Variants in PCLO observed in about 807,000 individuals in gnomAD.
PCLO encodes the protein protein piccolo.
Under a neutral mutation model 427.5 loss-of-function variants are expected in PCLO, and 82 were observed. The ratio of observed to expected loss-of-function variants is 0.19; its 90% CI spans 0.16 to 0.23. PCLO has a LOEUF of 0.23. Ranked by LOEUF, PCLO falls within the 10% of genes least tolerant of loss-of-function variation. PCLO has a pLI of 1.00. For missense variants in PCLO, 6,239 were observed against 6,115.9 expected (o/e 1.02, Z -0.67); for synonymous variants, 2,357 against 2,155.4 (o/e 1.09, Z -2.59).
At position 82,888,714 on chromosome 7, in the gene PCLO, A is replaced by T. The variant is rs186489076; in HGVS notation, c.13529-9252T>A. 3.0e-3 allele frequency among the ~76,000 whole-genome samples: 464 copies of T among 152,218 alleles called. 2 individuals are homozygous for T. The highest frequency in any genetic ancestry group is 5.3e-3 in the Non-Finnish European group (358 of 68,002). ...ACTATTTATTTGTCTACTGGGCCCA[A>T]CATATTCTGGCCCTAGCTTTGTATA... On this transcript the variant is annotated intron_variant, in intron 9 of 24. Coordinates refer to ENST00000333891, the MANE Select transcript of PCLO (RefSeq NM_033026.6).
chr7:83,123,695 TG>T (rs1324791669), intron 3 of PCLO, among the ~76,000 whole-genome samples: 1 of 151,810 alleles, frequency 6.6e-6, no homozygotes, highest in African/African-American at 2.4e-5. Context: ...ACCCATATAA[TG>T]GGAGAAAATT....
At chr7:82,789,908 T>G in intron 22 of PCLO, among the ~76,000 whole-genome samples, 1 of 152,206 alleles carries the variant, frequency 6.6e-6, no homozygotes. Context: ...CTGTTAACAT[T>G]TCTTTTCTGT....
At chr7:83,046,730 C>T (rs542629366) in intron 3 of PCLO, among the ~76,000 whole-genome samples, 4 of 151,888 alleles carry the variant, frequency 2.6e-5, no homozygotes, top group South Asian at 4.2e-4. Context: ...TATCCAAGGC[C>T]CCAAACATAA....
At chr7:82,836,090 C>G (rs1265129185) in intron 15 of PCLO, among the ~76,000 whole-genome samples, 1 of 152,056 alleles carries the variant, frequency 6.6e-6, no homozygotes, top group East Asian at 1.9e-4. Context: ...GTTGCTTACC[C>G]CAGAATGGAC....
At chr7:82,849,099 T>G (rs2522840) in intron 10 of PCLO, among the ~76,000 whole-genome samples, 59,010 of 151,932 alleles carry the variant, frequency 0.39, 12,621 homozygotes, top group East Asian at 0.7. Context: ...TTCAGAAATT[T>G]CATTGTCACA....
At chr7:83,135,886 T>C (rs1330435055) in intron 2 of PCLO, among the ~76,000 whole-genome samples, 6 of 151,684 alleles carry the variant, frequency 4.0e-5, no homozygotes, top group African/African-American at 1.5e-4. Context: ...GATCACAAGG[T>C]CAGGAGTTTG....
At chr7:82,835,372 G>C (rs933757156) in intron 16 of PCLO, among the ~76,000 whole-genome samples, 1 of 152,146 alleles carries the variant, frequency 6.6e-6, no homozygotes, top group African/African-American at 2.4e-5. Flanking sequence ...ATGAGTTTTA[G>C]TGAATAGATT....
intron 3 of PCLO, among the ~76,000 whole-genome samples, chr7:83,048,290 C>T (rs1453488057): frequency 1.3e-5 from 2 of 151,848 alleles, no homozygotes; most frequent in Admixed American, 6.6e-5. Flanking sequence ...GAATACTATA[C>T]CTGTTCTTTA....
rs371843285 is a variant in PCLO, at chr7:82,759,687, C to G, written c.15288+952G>C. On this transcript the variant is annotated intron_variant, in intron 24 of 24. Coordinates refer to ENST00000333891, the MANE Select transcript of PCLO (RefSeq NM_033026.6). Reference sequence around the variant, plus strand: ...GCTTTGTAATATCTTTTATCTTTGTCTCTAATTCAAACCTTTAATTTCCTG... The same window carrying G: ...GCTTTGTAATATCTTTTATCTTTGTGTCTAATTCAAACCTTTAATTTCCTG... Among the ~76,000 whole-genome samples the G allele has an allele frequency of 1.6e-4, 24 of 151,984 alleles. 1 individual carries two copies. In the East Asian group the frequency reaches 4.3e-3, roughly 27 times the overall value.
intron 3 of PCLO, among the ~76,000 whole-genome samples, chr7:83,124,864 C>G (rs1791387606): frequency 6.6e-6 from 1 of 152,118 alleles, no homozygotes; most frequent in South Asian, 2.1e-4. Context: ...GCCTGATTCT[C>G]CTGCCTCAGC....
intron 3 of PCLO, among the ~76,000 whole-genome samples, chr7:83,083,016 G>A (rs1302142267): frequency 2.6e-5 from 4 of 151,514 alleles, no homozygotes; most frequent in African/African-American, 9.7e-5. Flanking sequence ...AATCAGTGGG[G>A]ACAAAAACTT....
chr7:82,847,239 C>T lies in PCLO; in HGVS notation c.13663G>A (p.Val4555Ile), dbSNP rs1792527510. 1.3e-6 allele frequency: 2 copies of T among 1,570,400 alleles called. No homozygotes were observed. The highest frequency in any genetic ancestry group is 1.7e-6 in the Non-Finnish European group (2 of 1,150,050). ...QTGKLMEGMQ[V>I]LEWNGIPLTS... The stretch of plus-strand genomic sequence containing the variant: ...AAGGGAATTCCATTCCATTCCAATA[C>T]TTGCATCCCTAGAAAGACAAATTTG... The change falls in exon 11 of 25, where the codon GTA becomes ATA. Residue 4555 changes from valine to isoleucine, a missense_variant. Transcript: ENST00000333891.
intron 16 of PCLO, among the ~76,000 whole-genome samples, chr7:82,834,313 T>C (rs1390039812): frequency 6.6e-6 from 1 of 152,192 alleles, no homozygotes; most frequent in Non-Finnish European, 1.5e-5. Context: ...CAGCCTGAGA[T>C]ACCTGGATTG....
chr7:82,938,392 T>C (rs1795004842), intron 6 of PCLO, among the ~76,000 whole-genome samples: 1 of 151,930 alleles, frequency 6.6e-6, no homozygotes, highest in African/African-American at 2.4e-5. Flanking sequence ...TTATATTTTC[T>C]TGGTTATTTT....
chr7:82,879,113 G>T (rs1356788011), intron 10 of PCLO, among the ~76,000 whole-genome samples: 1 of 152,060 alleles, frequency 6.6e-6, no homozygotes, highest in African/African-American at 2.4e-5. Context: ...TCTTAAACAA[G>T]ATACTTCTGT....
chr7:82,788,014 A>G (rs1339751346), intron 22 of PCLO, among the ~76,000 whole-genome samples: 1 of 151,862 alleles, frequency 6.6e-6, no homozygotes, highest in African/African-American at 2.4e-5. Context: ...CTTTTCCACC[A>G]ACTAAAATAG....
chr7:82,798,801 G>A (rs1468859941), intron 22 of PCLO, among the ~76,000 whole-genome samples: 1 of 152,050 alleles, frequency 6.6e-6, no homozygotes, highest in Non-Finnish European at 1.5e-5. Context: ...AAAACAACTT[G>A]TCCAAAATGT....
At chr7:83,065,261 T>C (rs1414006564) in intron 3 of PCLO, among the ~76,000 whole-genome samples, 1 of 151,994 alleles carries the variant, frequency 6.6e-6, no homozygotes, top group Non-Finnish European at 1.5e-5. Context: ...GCTTAATTTC[T>C]ATAAGGCTTT....
rs1791666528 is a variant in PCLO at position 83,134,611 on chromosome 7, G to A, written c.2939C>T (p.Pro980Leu). The change falls in exon 3 of 25, where the codon CCC becomes CTC. Residue 980 changes from proline (P) to leucine (L), a missense_variant. By Grantham distance (98) the Pro-to-Leu change is moderately conservative. This residue lies in a region of PCLO where 4,677 missense variants were observed against 4,468.4 expected (regional missense o/e 1.05). Coordinates refer to ENST00000333891, the MANE Select transcript of PCLO (RefSeq NM_033026.6). ...PSQPPTSQGP[P>L]KSTGQAPPAP... ...TGGTGGTGCTTGACCTGTGGATTTG[G>A]GTGGCCCTTGTGAAGTAGGTGGCTG... 6.2e-7 allele frequency: 1 copy of A among 1,613,832 alleles called. No individual in the cohort carries two copies. The highest frequency in any genetic ancestry group is 8.5e-7 in the Non-Finnish European group (1 of 1,179,870).
Sources: allele counts gnomAD v4.1 joint callset (sites outside exome capture counted in the v4.1 genomes callset), GRCh38; gene constraint gnomAD v4.1.1; regional missense constraint gnomAD v4.1.1; transcripts MANE v1.5; gene names NCBI Gene and HGNC (gene_info 2026-07-23, HGNC 2026-07-21).